The following ZFHX3 variants were observed in gnomAD, a reference collection of about 807,000 sequenced individuals.
ZFHX3 encodes zinc finger homeobox protein 3.
In ZFHX3, 42 loss-of-function variants were observed where a neutral mutation model predicts 279.1. The ratio of observed to expected loss-of-function variants is 0.15; its 90% CI spans 0.12 to 0.19. The LOEUF is 0.19. Among genes scored for constraint, ZFHX3 ranks in the 10% least tolerant of loss-of-function variants. The pLI is 1.00. For missense variants in ZFHX3, 4,981 were observed against 4,754.0 expected (o/e 1.05, Z -1.40); for synonymous variants, 2,293 against 1,957.8 (o/e 1.17, Z -4.52).
chr16:73,114,139 G>C (rs1002596913), intron 7 of ZFHX3, among the ~76,000 whole-genome samples: 1 of 151,388 alleles, frequency 6.6e-6, no homozygotes, highest in African/African-American at 2.4e-5. Context: ...TGCCCAGGCT[G>C]GTCTCGAACT....
At chr16:72,972,609 G>C (rs1410316653) in intron 1 of ZFHX3, among the ~76,000 whole-genome samples, 1 of 152,156 alleles carries the variant, frequency 6.6e-6, no homozygotes, top group African/African-American at 2.4e-5. Flanking sequence ...TGAAGGGCTG[G>C]GTATCTGCTC....
intron 1 of ZFHX3, among the ~76,000 whole-genome samples, chr16:72,986,772 G>A (rs2144557117): frequency 6.6e-6 from 1 of 152,278 alleles, no homozygotes; most frequent in South Asian, 2.1e-4. Context: ...ACTGGGTCCT[G>A]CGATTAAGGA....
At chr16:73,681,496 A>G (rs1419454129) in intron 1 of ZFHX3, among the ~76,000 whole-genome samples, 2 of 152,220 alleles carry the variant, frequency 1.3e-5, no homozygotes, top group African/African-American at 4.8e-5. Flanking sequence ...GAGAAAGCCG[A>G]GAGATAAAGA....
chr16:73,738,376 T>G (rs1212585030), intron 1 of ZFHX3, among the ~76,000 whole-genome samples: 1 of 152,222 alleles, frequency 6.6e-6, no homozygotes, highest in Non-Finnish European at 1.5e-5. Context: ...TCACTGCGAC[T>G]AAAATGAGCT....
intron 4 of ZFHX3, among the ~76,000 whole-genome samples, chr16:73,268,773 G>A (rs1256817057): frequency 6.6e-6 from 1 of 152,162 alleles, no homozygotes; most frequent in African/African-American, 2.4e-5. Flanking sequence ...GGATAACCAT[G>A]GAGACCCAGG....
chr16:73,878,729 G>A (rs940327823), intron 1 of ZFHX3, among the ~76,000 whole-genome samples: 1 of 151,608 alleles, frequency 6.6e-6, no homozygotes, highest in Non-Finnish European at 1.5e-5. Flanking sequence ...GCAAGAGGGA[G>A]GGGGGACATT....
Position 72,788,782 on chromosome 16 carries a change from G to C in ZFHX3, c.9494C>G (p.Pro3165Arg). The C allele has an allele frequency of 6.5e-7, 1 of 1,548,708 alleles. No homozygotes were observed. The highest frequency in any genetic ancestry group is 2.0e-5 in the Admixed American group (1 of 50,358). Residue 3165 changes from proline (P) to arginine (R), a missense_variant, in exon 10 of 10, where the codon CCC (proline) becomes CGC (arginine). Coordinates refer to ENST00000268489, the MANE Select transcript of ZFHX3 (RefSeq NM_006885.4). ...CGGTTTATTTGGTAATCCAGAAGTG[G>C]GGAGGCCAGGGGAAGGAACAGTTGT... Reference protein sequence around the residue: ...PSTTVPSPGLPTSGLPNKPSS... With the variant: ...PSTTVPSPGLRTSGLPNKPSS...
intron 2 of ZFHX3, among the ~76,000 whole-genome samples, chr16:73,537,341 T>TA (rs1491148641): frequency 9.9e-6 from 1 of 100,710 alleles, no homozygotes; most frequent in Non-Finnish European, 2.2e-5. Context: ...TTTTTTTTTT[T>TA]AGTCTCACTC....
chr16:73,858,390 G>C (rs1404032391), intron 1 of ZFHX3, among the ~76,000 whole-genome samples: 1 of 152,198 alleles, frequency 6.6e-6, no homozygotes, highest in African/African-American at 2.4e-5. Context: ...TAGATGCTCT[G>C]ATGACAAGAG....
chr16:72,819,779 C>T (rs1308633859), intron 5 of ZFHX3, among the ~76,000 whole-genome samples: 1 of 152,184 alleles, frequency 6.6e-6, no homozygotes, highest in Non-Finnish European at 1.5e-5. Flanking sequence ...CACCCTCAGG[C>T]CACCTGCTTA....
intron 2 of ZFHX3, among the ~76,000 whole-genome samples, chr16:73,666,974 G>A (rs1328613643): frequency 1.3e-5 from 2 of 151,838 alleles, no homozygotes; most frequent in Non-Finnish European, 1.5e-5. Flanking sequence ...ATATTCCATT[G>A]TACAGATATA....
chr16:73,362,434 C>T (rs1166580684), intron 3 of ZFHX3, among the ~76,000 whole-genome samples: 3 of 152,176 alleles, frequency 2.0e-5, no homozygotes, highest in Admixed American at 6.5e-5. Context: ...ATCTAATTCA[C>T]ACCTTGGCAC....
chr16:72,888,211 A>G (rs1336081368), intron 4 of ZFHX3, among the ~76,000 whole-genome samples: 1 of 152,192 alleles, frequency 6.6e-6, no homozygotes, highest in Non-Finnish European at 1.5e-5. Context: ...AAATATAAAA[A>G]TGTGTAATTT....
At chr16:73,269,052 T>A (rs2014067222) in intron 4 of ZFHX3, among the ~76,000 whole-genome samples, 1 of 152,236 alleles carries the variant, frequency 6.6e-6, no homozygotes, top group Admixed American at 6.5e-5. Context: ...GTTATTGTTT[T>A]CTTTTAGCCT....
intron 4 of ZFHX3, among the ~76,000 whole-genome samples, chr16:73,260,413 T>C (rs1311171541): frequency 2.0e-5 from 3 of 152,198 alleles, no homozygotes; most frequent in African/African-American, 7.2e-5. Flanking sequence ...TAATGAGTTA[T>C]ACTGTGCTAC....
intron 5 of ZFHX3, among the ~76,000 whole-genome samples, chr16:73,250,835 C>G (rs1016106118): frequency 6.6e-6 from 1 of 152,140 alleles, no homozygotes; most frequent in African/African-American, 2.4e-5. Flanking sequence ...AGCCACCGTG[C>G]CCAGCTACCC....
At chr16:73,200,878 TTCA>T (rs1968254032) in intron 5 of ZFHX3, among the ~76,000 whole-genome samples, 1 of 152,250 alleles carries the variant, frequency 6.6e-6, no homozygotes, top group Non-Finnish European at 1.5e-5. Flanking sequence ...CTCATGATTA[TTCA>T]TCCTTCACCT....
intron 5 of ZFHX3, among the ~76,000 whole-genome samples, chr16:72,823,221 G>T (rs2036843524): frequency 6.6e-6 from 1 of 152,176 alleles, no homozygotes; most frequent in Admixed American, 6.5e-5. Context: ...CCACAAAGGG[G>T]CCACGCAAAA....
At chr16:73,004,031 T>G (rs186998909) in intron 1 of ZFHX3, among the ~76,000 whole-genome samples, 48 of 151,556 alleles carry the variant, frequency 3.2e-4, no homozygotes, top group African/African-American at 1.1e-3. Flanking sequence ...GTTAAAACAA[T>G]GAGGTCTCAT....
Sources: gnomAD v4.1 joint callset for allele counts (sites outside exome capture counted in the v4.1 genomes callset) on GRCh38, gnomAD v4.1.1 for gene constraint, MANE v1.5 for transcripts, NCBI Gene and HGNC (gene_info 2026-07-23, HGNC 2026-07-21) for gene names.